Variants in KIRREL3 observed in about 807,000 individuals in gnomAD.
The protein encoded by KIRREL3 is kirre like nephrin family adhesion molecule 3, also known as kin of IRRE-like protein 3.
Under a neutral mutation model 89.7 loss-of-function variants are expected in KIRREL3, and 36 were observed. That is an observed-to-expected ratio of 0.40 (90% CI 0.31 to 0.53). The LOEUF is 0.53. Among genes scored for constraint, KIRREL3 ranks in the 20% least tolerant of loss-of-function variants. KIRREL3 has a pLI of 0.49. For missense variants in KIRREL3, 864 were observed against 1,056.6 expected, an observed-to-expected ratio of 0.82 and a Z score of 2.53; for synonymous variants, 445 against 441.4, an observed-to-expected ratio of 1.01 and a Z score of -0.10.
rs572549954 is a variant in KIRREL3, at chr11:126,571,152, C to G, written c.56-8240G>C. On this transcript the variant is annotated intron_variant, in intron 1 of 16. Transcript: ENST00000525144. This position sits in a 1 kb window ranked among gnomAD's most constrained non-coding sequence, Gnocchi z 7.7. ...TGTGAGATTCGACTCCCAACCAATT[C>G]GGAGTCTCAGCCCTTTGGGCTGGCT... 6.6e-6 allele frequency among the ~76,000 whole-genome samples: 1 copy of G among 152,168 alleles called. No homozygotes were observed. The highest frequency in any genetic ancestry group is 1.5e-5 in the Non-Finnish European group (1 of 68,034).
At chr11:126,975,703 ACT>A (rs1393583507) in intron 1 of KIRREL3, among the ~76,000 whole-genome samples, 4 of 152,026 alleles carry the variant, frequency 2.6e-5, no homozygotes, top group Non-Finnish European at 5.9e-5. Flanking sequence ...AATTAATCAG[ACT>A]CTCTACAAAT....
intron 1 of KIRREL3, among the ~76,000 whole-genome samples, chr11:126,692,602 A>G (rs574822229): frequency 2.0e-5 from 3 of 152,032 alleles, no homozygotes; most frequent in South Asian, 2.1e-4. Flanking sequence ...GTATTCATCA[A>G]TGATGAATGG....
rs1375470067 is a variant in KIRREL3 at position 126,587,267 on chromosome 11, G to A, written c.56-24355C>T. On this transcript the variant is annotated intron_variant, in intron 1 of 16. Transcript: ENST00000525144. This position sits in a 1 kb window ranked among gnomAD's most constrained non-coding sequence, Gnocchi z 5.2. Reference sequence around the variant, plus strand: ...AGACGGGGGCTGCAGAGCGTTCCAGGCTGTGGAGGCAGCGTGTGCAAAGGC... The same window carrying A: ...AGACGGGGGCTGCAGAGCGTTCCAGACTGTGGAGGCAGCGTGTGCAAAGGC... Among the ~76,000 whole-genome samples, 3 of 152,196 alleles carry A rather than the reference G, an allele frequency of 2.0e-5. No individual in the cohort carries two copies. The highest frequency in any genetic ancestry group is 7.2e-5 in the African/African-American group (3 of 41,452).
rs1465032525 is a variant in KIRREL3 at position 126,954,584 on chromosome 11, T to C, written c.55+45871A>G. Among the ~76,000 whole-genome samples the C allele has an allele frequency of 6.6e-6, 1 of 151,566 alleles. No individual in the cohort carries two copies. The highest frequency in any genetic ancestry group is 2.0e-4 in the East Asian group (1 of 5,100). On this transcript the variant is annotated intron_variant, in intron 1 of 16. Transcript: ENST00000525144. This position sits in a 1 kb window ranked among gnomAD's most constrained non-coding sequence, Gnocchi z 4.1. Reference sequence around the variant, plus strand: ...ATGGCCCAGAAAGCGCAAACCCACCTTGTCTGTGATGAAGGTGAGAGCATC... The same window carrying C: ...ATGGCCCAGAAAGCGCAAACCCACCCTGTCTGTGATGAAGGTGAGAGCATC...
Position 126,492,564 on chromosome 11 carries a change from G to A in KIRREL3, c.434-19098C>T, listed in dbSNP as rs2134341488. On this transcript the variant is annotated intron_variant, in intron 4 of 16. Coordinates refer to ENST00000525144, the MANE Select transcript of KIRREL3 (RefSeq NM_032531.4). The surrounding 1 kb of genome is among the most constrained non-coding windows in gnomAD (Gnocchi z 4.8). ...TGGGAAGGAGGAGGAGGAGGGATGA[G>A]GCTGCCAATTGCCACCGCCACACAG... Among the ~76,000 whole-genome samples, 1 of 152,298 alleles carries A rather than the reference G, an allele frequency of 6.6e-6. No individual in the cohort carries two copies. Among genetic ancestry groups the A allele is most frequent in the African/African-American group, 2.4e-5 (1 of 41,562 alleles).
At chr11:126,440,096 G>T in intron 11 of KIRREL3, 1 of 469,818 alleles carries the variant, frequency 2.1e-6, no homozygotes, top group Non-Finnish European at 4.0e-6. Flanking sequence ...TGCGCTCTAA[G>T]ATTTTGCTAA....
In KIRREL3 at chr11:126,529,602, CAA is replaced by C. The variant is rs57667466; in HGVS notation, c.134-2917_134-2916del. 8.6e-4 allele frequency among the ~76,000 whole-genome samples: 96 copies of C among 111,716 alleles called. 1 individual carries two copies. Among genetic ancestry groups the C allele is most frequent in the Admixed American group, 1.2e-3 (13 of 10,760 alleles). 73.3% of individuals were successfully genotyped at this position (111,716 alleles called of 152,430 possible). A position where few individuals can be genotyped will look rare whatever the true frequency, so the allele number is the denominator to read the frequency against. ...TAGGTGACAGAGTGAGACTCGGTCT[CAA>C]AAAAAAAAAAAAAAGACCTTCCTAG... On this transcript the variant is annotated intron_variant, in intron 2 of 16. Transcript: ENST00000525144.
intron 1 of KIRREL3, among the ~76,000 whole-genome samples, chr11:126,661,909 G>C (rs577811034): frequency 1.3e-5 from 2 of 152,304 alleles, no homozygotes; most frequent in Non-Finnish European, 2.9e-5. Flanking sequence ...AGTTCACAAA[G>C]TTGAAGATCA....
intron 5 of KIRREL3, among the ~76,000 whole-genome samples, chr11:126,465,566 TCA>T (rs1956695655): frequency 6.6e-6 from 1 of 152,158 alleles, no homozygotes; most frequent in Admixed American, 6.5e-5. Flanking sequence ...CCTCGTGGCG[TCA>T]GGAGAACAGG....
chr11:126,579,347 C>T lies in KIRREL3; in HGVS notation c.56-16435G>A, dbSNP rs1400358616. ...GCTGCTCTGTCAGTTATGACTTCCTCGGGTACCTGAGACTGTAGCTCCTCA... is the reference window on the plus strand; with the variant it reads ...GCTGCTCTGTCAGTTATGACTTCCTTGGGTACCTGAGACTGTAGCTCCTCA... On this transcript the variant is annotated intron_variant, in intron 1 of 16. Coordinates refer to ENST00000525144, the MANE Select transcript of KIRREL3 (RefSeq NM_032531.4). The surrounding 1 kb of genome is among the most constrained non-coding windows in gnomAD (Gnocchi z 5.3). Among the ~76,000 whole-genome samples the T allele has an allele frequency of 6.6e-6, 1 of 152,134 alleles. No individual in the cohort carries two copies. The highest frequency in any genetic ancestry group is 1.5e-5 in the Non-Finnish European group (1 of 68,018).
intron 1 of KIRREL3, among the ~76,000 whole-genome samples, chr11:126,598,168 G>A (rs1942489052): frequency 6.6e-6 from 1 of 152,248 alleles, no homozygotes; most frequent in East Asian, 1.9e-4. Flanking sequence ...GACTTTGCTA[G>A]GGTCAGAGGG....
Position 126,814,319 on chromosome 11 carries a change from T to C in KIRREL3, c.55+186136A>G, listed in dbSNP as rs1951489568. The stretch of plus-strand genomic sequence containing the variant: ...AATGCTTTTACACTGTTGGTGGGAG[T>C]GTAAATTAGTTCAACCATTGTGTAA... On this transcript the variant is annotated intron_variant, in intron 1 of 16. Transcript: ENST00000525144. This position sits in a 1 kb window ranked among gnomAD's most constrained non-coding sequence, Gnocchi z 4.4. 1.3e-5 allele frequency among the ~76,000 whole-genome samples: 2 copies of C among 151,564 alleles called. No homozygotes were observed. Among genetic ancestry groups the C allele is most frequent in the South Asian group, 4.2e-4 (2 of 4,792 alleles).
intron 1 of KIRREL3, among the ~76,000 whole-genome samples, chr11:126,758,414 T>G (rs1949572042): frequency 6.6e-6 from 1 of 152,238 alleles, no homozygotes; most frequent in African/African-American, 2.4e-5. Flanking sequence ...TGAAGAGAAG[T>G]CAAATGAATT....
intron 1 of KIRREL3, among the ~76,000 whole-genome samples, chr11:126,833,605 T>G (rs1369765833): frequency 6.6e-6 from 1 of 152,242 alleles, no homozygotes; most frequent in East Asian, 1.9e-4. Context: ...AATTGGAATT[T>G]CTTTATGAAG....
At chr11:126,482,342 C>G (rs1957243632) in intron 4 of KIRREL3, among the ~76,000 whole-genome samples, 2 of 152,182 alleles carry the variant, frequency 1.3e-5, no homozygotes, top group African/African-American at 4.8e-5. Flanking sequence ...CCGGGCCTGC[C>G]CCTTTCCTTT....
chr11:126,437,063 G>A (rs1240167018), intron 11 of KIRREL3, 54 bp from the exon 12 acceptor site: 8 of 1,428,268 alleles, frequency 5.6e-6, no homozygotes, highest in African/African-American at 4.3e-5. Flanking sequence ...CCCAGGACAC[G>A]CCCACACCAG....
At position 126,768,136 on chromosome 11, in the gene KIRREL3, CCA is replaced by C. The variant is rs1949892885; in HGVS notation, c.56-205226_56-205225del. Among the ~76,000 whole-genome samples the C allele has an allele frequency of 8.6e-6, 1 of 116,618 alleles. No homozygotes were observed. The highest frequency in any genetic ancestry group is 9.0e-5 in the Admixed American group (1 of 11,158). The allele number at this position is 116,618 out of a possible 152,430, so 76.5% of individuals were successfully genotyped here. On this transcript the variant is annotated intron_variant, in intron 1 of 16. Transcript: ENST00000525144. This position sits in a 1 kb window ranked among gnomAD's most constrained non-coding sequence, Gnocchi z 4.5. ...TCCATCCATCTGTCTATCCATCTATCCATCCATCCATCCATCCATCCATCCAT... is the reference window on the plus strand; with the variant it reads ...TCCATCCATCTGTCTATCCATCTATCTCCATCCATCCATCCATCCATCCAT...
At chr11:126,974,905 CTTAT>C (rs1268147319) in intron 1 of KIRREL3, among the ~76,000 whole-genome samples, 1 of 151,932 alleles carries the variant, frequency 6.6e-6, no homozygotes, top group Non-Finnish European at 1.5e-5. Context: ...CTTAATGTGA[CTTAT>C]TTATTTATGT....
rs987507685 is a variant in KIRREL3, at chr11:126,999,814, G to A, written c.55+641C>T. On this transcript the variant is annotated intron_variant, in intron 1 of 16. Coordinates refer to ENST00000525144, the MANE Select transcript of KIRREL3 (RefSeq NM_032531.4). This position sits in a 1 kb window ranked among gnomAD's most constrained non-coding sequence, Gnocchi z 5.7. Reference sequence around the variant, plus strand: ...AAAGGAAACCATCAGCACCACGGGCGAAATTTCATTTTATACCCTGAATTC... The same window carrying A: ...AAAGGAAACCATCAGCACCACGGGCAAAATTTCATTTTATACCCTGAATTC... Among the ~76,000 whole-genome samples the A allele has an allele frequency of 7.2e-5, 11 of 152,132 alleles. No homozygotes were observed. Among genetic ancestry groups the A allele is most frequent in the Admixed American group, 2.6e-4 (4 of 15,288 alleles).
Sources: allele counts gnomAD v4.1 joint callset (sites outside exome capture counted in the v4.1 genomes callset), GRCh38; gene constraint gnomAD v4.1.1; non-coding constraint Gnocchi (gnomAD v3.1); transcripts MANE v1.5; gene names NCBI Gene and HGNC (gene_info 2026-07-23, HGNC 2026-07-21).